Variants in ARMH3 observed in about 807,000 individuals in gnomAD.
ARMH3 encodes armadillo-like helical domain-containing protein 3.
A neutral mutation model predicts 99.1 loss-of-function variants in ARMH3; 60 were observed. The ratio of observed to expected loss-of-function variants is 0.61; its 90% CI spans 0.49 to 0.75. ARMH3 has a LOEUF of 0.75. Among genes scored for constraint, ARMH3 ranks in the 30% least tolerant of loss-of-function variants. The probability of loss-of-function intolerance (pLI) is 0.00; values close to 1 mark genes in which losing one functional copy is unlikely to be tolerated. For missense variants in ARMH3, 679 were observed against 843.1 expected (o/e 0.81, Z 2.41); for synonymous variants, 285 against 292.8 (o/e 0.97, Z 0.27).
chr10:101,941,546 G>GA (rs1424799586), intron 22 of ARMH3, among the ~76,000 whole-genome samples: 3 of 152,184 alleles, frequency 2.0e-5, no homozygotes, highest in Non-Finnish European at 4.4e-5. Context: ...TGTGATGGGG[G>GA]AAAGAAAGCT....
At chr10:101,983,459 G>A (rs945250862) in intron 19 of ARMH3, among the ~76,000 whole-genome samples, 3 of 151,930 alleles carry the variant, frequency 2.0e-5, no homozygotes, top group South Asian at 2.1e-4. Flanking sequence ...TTTTTGTAGA[G>A]ACAAGGTGTC....
intron 23 of ARMH3, among the ~76,000 whole-genome samples, chr10:101,895,219 C>T (rs1260240568): frequency 6.6e-6 from 1 of 151,378 alleles, no homozygotes; most frequent in Non-Finnish European, 1.5e-5. Flanking sequence ...TTATACCACA[C>T]ATAAAACAAC....
intron 23 of ARMH3, among the ~76,000 whole-genome samples, chr10:101,918,346 G>A (rs1464727541): frequency 6.6e-6 from 1 of 152,126 alleles, no homozygotes. Flanking sequence ...AAGCCACTGC[G>A]CCTGGCCATC....
chr10:101,946,968 T>C (rs1029694906), intron 22 of ARMH3, among the ~76,000 whole-genome samples: 1 of 151,418 alleles, frequency 6.6e-6, no homozygotes, highest in African/African-American at 2.4e-5. Flanking sequence ...GGCAGGTGGA[T>C]CACGAGGTCA....
intron 23 of ARMH3, among the ~76,000 whole-genome samples, chr10:101,910,175 T>C (rs1274865950): frequency 6.6e-6 from 1 of 152,188 alleles, no homozygotes; most frequent in East Asian, 1.9e-4. Context: ...GAATAAATGC[T>C]GTCTCTAACC....
intron 23 of ARMH3, among the ~76,000 whole-genome samples, chr10:101,895,470 G>A (rs1160934065): frequency 2.0e-5 from 3 of 151,854 alleles, no homozygotes; most frequent in Non-Finnish European, 2.9e-5. Context: ...TAGTAGAGAC[G>A]GGGTTTCACC....
At chr10:101,912,878 T>G (rs1225403195) in intron 23 of ARMH3, 2 of 152,194 alleles carry the variant, frequency 1.3e-5, no homozygotes, top group Admixed American at 6.5e-5. Context: ...GAAATGGATT[T>G]TGCATTTCTC....
chr10:101,938,371 G>C lies in ARMH3; in HGVS notation c.1781+1492C>G, dbSNP rs550557124. ...AGTCCTTTCTTAGCTGTCGGAAAAA[G>C]GAGAGGTCAAAAGCTTAAATCAGCT... is the stretch of plus-strand genomic sequence containing the variant. On this transcript the variant is annotated intron_variant, in intron 23 of 25. Transcript: ENST00000370033. Among the ~76,000 whole-genome samples the C allele has an allele frequency of 1.7e-3, 255 of 152,320 alleles. 2 individuals carry two copies. The highest frequency in any genetic ancestry group is 2.9e-3 in the Non-Finnish European group (196 of 68,036).
intron 2 of ARMH3, among the ~76,000 whole-genome samples, chr10:102,036,914 T>C (rs1316846480): frequency 6.8e-6 from 1 of 147,520 alleles, no homozygotes; most frequent in Admixed American, 6.7e-5. Flanking sequence ...TAGCCAGGCA[T>C]GGTGGCATGC....
intron 23 of ARMH3, among the ~76,000 whole-genome samples, chr10:101,936,286 G>A (rs1014053367): frequency 2.6e-5 from 4 of 152,044 alleles, no homozygotes; most frequent in African/African-American, 9.7e-5. Flanking sequence ...GAGGTCAGGA[G>A]TTCGAGACCA....
Position 101,939,978 on chromosome 10 carries a change from G to C in ARMH3, c.1706-40C>G, listed in dbSNP as rs370253400. 11 of 1,547,262 alleles carry C rather than the reference G, an allele frequency of 7.1e-6. No homozygotes were observed. In the South Asian group the frequency reaches 1.2e-4, roughly 17 times the overall value. ...AGAACACAGATCTGTCAAACCCCCG[G>C]CATAAAACACAAACATGAGGAATGA... is the stretch of plus-strand genomic sequence containing the variant. On this transcript the variant is annotated intron_variant, in intron 22 of 25. Coordinates refer to ENST00000370033, the MANE Select transcript of ARMH3 (RefSeq NM_024541.3).
chr10:101,884,793 C>CAAACA (rs1554853724), intron 24 of ARMH3, among the ~76,000 whole-genome samples: 36,923 of 149,488 alleles, frequency 0.25, 4,855 homozygotes, highest in East Asian at 0.51. Context: ...AACAAACAAA[C>CAAACA]AAAAAAAAAC....
chr10:102,025,029 G>A (rs944186906), intron 6 of ARMH3, 127 bp downstream of exon 6: 18 of 760,004 alleles, frequency 2.4e-5, no homozygotes, highest in Admixed American at 4.7e-5. Flanking sequence ...ATCCAGACAC[G>A]AGGGAGTGAT....
intron 13 of ARMH3, 27 bp downstream of exon 13, chr10:102,009,347 A>C (rs1421612753): frequency 1.3e-6 from 2 of 1,589,120 alleles, no homozygotes; most frequent in Non-Finnish European, 8.6e-7. Flanking sequence ...GAGAGAAAAA[A>C]ACACTGGGAT....
Position 101,933,717 on chromosome 10 carries a change from T to G in ARMH3, c.1781+6146A>C, listed in dbSNP as rs567591727. Among the ~76,000 whole-genome samples, 8 of 152,308 alleles carry G rather than the reference T, an allele frequency of 5.3e-5. No homozygotes were observed. In the East Asian group the frequency reaches 9.6e-4, roughly 18 times the overall value. ...CTGATTAACAGAAAAAAAAAGGTCA[T>G]GATTGATAAATTCTAACTCAGTGAA... is the stretch of plus-strand genomic sequence containing the variant. On this transcript the variant is annotated intron_variant, in intron 23 of 25. Transcript: ENST00000370033.
chr10:102,041,106 T>TATATAATATATATATATATA, intron 1 of ARMH3, among the ~76,000 whole-genome samples: 1 of 146,524 alleles, frequency 6.8e-6, no homozygotes, highest in Non-Finnish European at 1.5e-5. Flanking sequence ...TATATATATA[T>TATATAATATATATATATATA]ATATATGTAG....
intron 19 of ARMH3, among the ~76,000 whole-genome samples, chr10:101,987,025 A>G (rs1846542734): frequency 6.6e-6 from 1 of 152,246 alleles, no homozygotes; most frequent in African/African-American, 2.4e-5. Flanking sequence ...GGAGGGAGTT[A>G]GAACATTTGG....
chr10:101,982,781 C>A, intron 19 of ARMH3, among the ~76,000 whole-genome samples: 1 of 151,994 alleles, frequency 6.6e-6, no homozygotes, highest in East Asian at 1.9e-4. Flanking sequence ...GTCACTGTCT[C>A]CCATCACTCC....
intron 20 of ARMH3, among the ~76,000 whole-genome samples, chr10:101,965,082 T>C (rs1173854938): frequency 6.6e-6 from 1 of 152,136 alleles, no homozygotes; most frequent in Non-Finnish European, 1.5e-5. Flanking sequence ...AAAAAAGTAC[T>C]GGAAATGGAA....
Sources: allele counts gnomAD v4.1 joint callset (sites outside exome capture counted in the v4.1 genomes callset), GRCh38; gene constraint gnomAD v4.1.1; transcripts MANE v1.5; gene names NCBI Gene and HGNC (gene_info 2026-07-23, HGNC 2026-07-21).